LMAN2L: variants seen among roughly 807,000 people sequenced by gnomAD.
LMAN2L encodes the protein lectin, mannose binding 2 like.
A neutral mutation model predicts 44.3 loss-of-function variants in LMAN2L; 30 were observed. The ratio of observed to expected loss-of-function variants is 0.68; its 90% CI spans 0.51 to 0.92. LMAN2L has a LOEUF of 0.92. Ranked by LOEUF, LMAN2L falls within the 40% of genes least tolerant of loss-of-function variation. The pLI is 0.00. For synonymous variants in LMAN2L, 183 were observed against 171.1 expected (o/e 1.07, Z -0.54); for missense variants, 429 against 446.1 (o/e 0.96, Z 0.35).
At chr2:96,730,527 G>A (rs1317310412) in intron 4 of LMAN2L, among the ~76,000 whole-genome samples, 1 of 152,124 alleles carries the variant, frequency 6.6e-6, no homozygotes, top group Non-Finnish European at 1.5e-5. Flanking sequence ...TAGTTAACAT[G>A]CCGAGGCTAC....
chr2:96,731,306 C>G (rs2078390630), intron 4 of LMAN2L, among the ~76,000 whole-genome samples: 1 of 152,188 alleles, frequency 6.6e-6, no homozygotes, highest in Non-Finnish European at 1.5e-5. Context: ...TGTAACTGAT[C>G]CACAACAAAA....
intron 1 of LMAN2L, among the ~76,000 whole-genome samples, chr2:96,738,898 A>G (rs2078574560): frequency 6.6e-6 from 1 of 151,862 alleles, no homozygotes; most frequent in African/African-American, 2.4e-5. Context: ...CCGCCACCAC[A>G]CCTGGCTAAT....
At chr2:96,717,455 C>T (rs961219283) in intron 4 of LMAN2L, among the ~76,000 whole-genome samples, 1 of 149,918 alleles carries the variant, frequency 6.7e-6, no homozygotes, top group Non-Finnish European at 1.5e-5. Context: ...TCTATTGAGC[C>T]TGAGAAGTTG....
Position 96,737,978 on chromosome 2 carries a change from TTTGCATA to T in LMAN2L, c.270_276del (p.Asp90GlufsTer15). On this transcript the variant is annotated frameshift_variant, in exon 2 of 8. Transcript: ENST00000264963. LOFTEE classifies it high-confidence loss of function. ...CGGTTCCACAAGGCACCCTGTTTACTTTGCATATCTGGGGTAAGGCGGATATACTGGG... is the reference window on the plus strand; with the variant it reads ...CGGTTCCACAAGGCACCCTGTTTACTTCTGGGGTAAGGCGGATATACTGGG... 1 of 1,613,794 alleles carries T rather than the reference TTTGCATA, an allele frequency of 6.2e-7. No homozygotes were observed. Among genetic ancestry groups the T allele is most frequent in the South Asian group, 1.1e-5 (1 of 91,076 alleles).
At chr2:96,726,520 C>T (rs112947822) in intron 4 of LMAN2L, among the ~76,000 whole-genome samples, 2 of 152,096 alleles carry the variant, frequency 1.3e-5, no homozygotes, top group African/African-American at 4.8e-5. Context: ...CAGTAGCTCA[C>T]GCCTGTAATC....
At chr2:96,730,295 A>C (rs1403240428) in intron 4 of LMAN2L, among the ~76,000 whole-genome samples, 1 of 152,122 alleles carries the variant, frequency 6.6e-6, no homozygotes, top group Non-Finnish European at 1.5e-5. Flanking sequence ...TTTCCTCAGC[A>C]TGACTACAAA....
intron 6 of LMAN2L, among the ~76,000 whole-genome samples, chr2:96,710,555 T>C (rs978429072): frequency 6.6e-6 from 1 of 152,040 alleles, no homozygotes; most frequent in South Asian, 2.1e-4. Flanking sequence ...TCCCAGCTAC[T>C]TGGGAGGCTG....
chr2:96,716,705 TA>T (rs1274541225), intron 4 of LMAN2L, among the ~76,000 whole-genome samples: 6 of 152,212 alleles, frequency 3.9e-5, no homozygotes, highest in Admixed American at 1.3e-4. Context: ...ATTTCACAGG[TA>T]AAAAACTTGT....
At chr2:96,718,060 A>T (rs1157571865) in intron 4 of LMAN2L, among the ~76,000 whole-genome samples, 2 of 151,908 alleles carry the variant, frequency 1.3e-5, no homozygotes, top group East Asian at 3.9e-4. Flanking sequence ...GGTTCAAGCG[A>T]TTCTCCTGCC....
intron 2 of LMAN2L, among the ~76,000 whole-genome samples, chr2:96,736,435 T>C (rs528179146): frequency 6.6e-6 from 1 of 152,124 alleles, no homozygotes; most frequent in South Asian, 2.1e-4. Context: ...AATACAGGTA[T>C]CAGAAGTCGA....
intron 6 of LMAN2L, among the ~76,000 whole-genome samples, chr2:96,708,908 C>CTTTTT (rs140328524): frequency 1.5e-4 from 13 of 89,226 alleles, no homozygotes; most frequent in East Asian, 3.1e-4. Flanking sequence ...TGAAGTTAGA[C>CTTTTT]TTTTTTTTTT....
At position 96,739,793 on chromosome 2, in the gene LMAN2L, C is replaced by T. The variant is rs938708083; in HGVS notation, c.187+61G>A. The T allele has an allele frequency of 3.6e-5, 56 of 1,554,198 alleles. No individual in the cohort carries two copies. The African/African-American group carries it at 7.0e-4, about 20-fold the overall frequency. ...AGCCCTTCGCCGCCCCCGCCTCTACCCCTGAAATCAAGTCCCGAAGCCCGC... is the reference window on the plus strand; with the variant it reads ...AGCCCTTCGCCGCCCCCGCCTCTACTCCTGAAATCAAGTCCCGAAGCCCGC... On this transcript the variant is annotated intron_variant, in intron 1 of 7. Transcript: ENST00000264963.
chr2:96,728,235 C>T (rs1169800050), intron 4 of LMAN2L, among the ~76,000 whole-genome samples: 1 of 152,162 alleles, frequency 6.6e-6, no homozygotes, highest in Non-Finnish European at 1.5e-5. Flanking sequence ...CGCCTGTAAT[C>T]CCAGCACTTT....
At chr2:96,728,457 G>C (rs2078317932) in intron 4 of LMAN2L, among the ~76,000 whole-genome samples, 1 of 145,226 alleles carries the variant, frequency 6.9e-6, no homozygotes, top group South Asian at 2.1e-4. Flanking sequence ...AGTGAGCTGA[G>C]ATCGCACCAC....
intron 6 of LMAN2L, among the ~76,000 whole-genome samples, chr2:96,710,871 C>G (rs189631236): frequency 2.6e-5 from 4 of 152,174 alleles, no homozygotes; most frequent in African/African-American, 9.6e-5. Context: ...TCAAAAGAAA[C>G]AGAAGTTCAG....
chr2:96,707,304 G>A lies in LMAN2L; in HGVS notation c.999C>T (p.Ile333=). 1 of 1,614,082 alleles carries A rather than the reference G, an allele frequency of 6.2e-7. No individual in the cohort carries two copies. The highest frequency in any genetic ancestry group is 8.5e-7 in the Non-Finnish European group (1 of 1,179,974). The change falls in exon 8 of 8, where the codon ATC becomes ATT. Residue 333 remains isoleucine (I), a synonymous_variant. Coordinates refer to ENST00000264963, the MANE Select transcript of LMAN2L (RefSeq NM_030805.4). The part of the protein sequence containing the change: ...VFSVFAIVIG[I]ILYNKWQEQS... ...GTTCCTGCCATTTGTTGTAGAGTAT[G>A]ATACCAATGACTATGGCAAATACAG...
At chr2:96,734,190 AAAG>A (rs2078464869) in intron 3 of LMAN2L, among the ~76,000 whole-genome samples, 1 of 152,216 alleles carries the variant, frequency 6.6e-6, no homozygotes, top group Non-Finnish European at 1.5e-5. Context: ...GGAAACTCAG[AAAG>A]AAGTAACAAG....
At chr2:96,707,927 C>T (rs1305553984) in intron 6 of LMAN2L, 94 bp from the exon 7 acceptor site, 16 of 1,313,368 alleles carry the variant, frequency 1.2e-5, no homozygotes, top group African/African-American at 1.5e-5. Context: ...TGATCCACAG[C>T]TAACCAGCAG....
chr2:96,708,241 G>C (rs374319997), intron 6 of LMAN2L, among the ~76,000 whole-genome samples: 1 of 152,234 alleles, frequency 6.6e-6, no homozygotes, highest in Non-Finnish European at 1.5e-5. Context: ...GTAGCTCCCA[G>C]TGAGCCACAC....
Sources: allele counts gnomAD v4.1 joint callset (sites outside exome capture counted in the v4.1 genomes callset), GRCh38; gene constraint gnomAD v4.1.1; transcripts MANE v1.5; gene names NCBI Gene and HGNC (gene_info 2026-07-23, HGNC 2026-07-21).